SLC4A8: variants seen among roughly 807,000 people sequenced by gnomAD.
SLC4A8 encodes solute carrier family 4 member 8.
SLC4A8 carries 40 observed loss-of-function variants against 125.0 expected under a neutral mutation model. The ratio of observed to expected loss-of-function variants is 0.32; its 90% CI spans 0.25 to 0.42. The LOEUF (loss-of-function observed/expected upper bound fraction) is 0.42. SLC4A8 is among the 10% of genes least tolerant of loss of function. The pLI is 1.00. For synonymous variants in SLC4A8, 456 were observed against 476.0 expected (o/e 0.96, Z 0.55); for missense variants, 863 against 1,355.1 (o/e 0.64, Z 5.70).
chr12:51,426,891 C>G (rs1949001129), intron 1 of SLC4A8, among the ~76,000 whole-genome samples: 3 of 150,440 alleles, frequency 2.0e-5, no homozygotes, highest in South Asian at 4.2e-4. Flanking sequence ...AGAGAGAGGG[C>G]ATGAGAGAGT....
Position 51,442,011 on chromosome 12 carries a change from C to T in SLC4A8, c.130+1222C>T, listed in dbSNP as rs193175572. ...ATGGAAGGCTAACATTTGTTGAATG[C>T]CCCTTGTGTGTTAGGCATTAGATTA... is the stretch of plus-strand genomic sequence containing the variant. On this transcript the variant is annotated intron_variant, in intron 2 of 24. Transcript: ENST00000453097. Among the ~76,000 whole-genome samples the T allele has an allele frequency of 1.1e-4, 17 of 152,248 alleles. No individual in the cohort carries two copies. In the East Asian group the frequency reaches 3.3e-3, roughly 29 times the overall value.
At chr12:51,432,592 G>A (rs1200546765) in intron 1 of SLC4A8, among the ~76,000 whole-genome samples, 4 of 151,852 alleles carry the variant, frequency 2.6e-5, no homozygotes, top group Non-Finnish European at 4.4e-5. Flanking sequence ...GCGTGGTGGT[G>A]CGTGCTTGTA....
chr12:51,450,096 C>A (rs1256357284), intron 2 of SLC4A8, among the ~76,000 whole-genome samples: 2 of 152,000 alleles, frequency 1.3e-5, no homozygotes, highest in Admixed American at 1.3e-4. Flanking sequence ...CTTATTTTCT[C>A]ATGTTCCCCT....
At chr12:51,494,850 T>C (rs907698278) in intron 20 of SLC4A8, 95 bp from the exon 21 acceptor site, 1 of 939,736 alleles carries the variant, frequency 1.1e-6, no homozygotes, top group Admixed American at 2.4e-5. Context: ...TTACCTACCT[T>C]TCAGAGCAGG....
intron 13 of SLC4A8, 51 bp from the exon 14 acceptor site, chr12:51,471,236 C>G: frequency 6.4e-7 from 1 of 1,568,648 alleles, no homozygotes; most frequent in Non-Finnish European, 8.7e-7. Context: ...GACTCCTTGT[C>G]TCTTAATGCC....
intron 16 of SLC4A8, among the ~76,000 whole-genome samples, chr12:51,478,155 G>C (rs1354997328): frequency 6.6e-6 from 1 of 151,826 alleles, no homozygotes; most frequent in Non-Finnish European, 1.5e-5. Context: ...GGCGCCTCTA[G>C]TCCCAGCTAC....
rs754863125 is a variant in SLC4A8 at position 51,474,670 on chromosome 12, A to G, written c.2010+223A>G. On this transcript the variant is annotated intron_variant, in intron 15 of 24. Transcript: ENST00000453097. ...CTTTTCTCCCCCCTACATCCTACCC[A>G]GTGACCCTGCACTAAGGATAGGTGG... The G allele has an allele frequency of 1.3e-3, 970 of 740,024 alleles. 4 individuals carry two copies. Among genetic ancestry groups the G allele is most frequent in the Middle Eastern group, 2.0e-3 (5 of 2,476 alleles). 45.8% of individuals were successfully genotyped at this position (740,024 alleles called of 1,614,324 possible). A position where few individuals can be genotyped will look rare whatever the true frequency, so the allele number is the denominator to read the frequency against.
At chr12:51,483,919 T>A (rs1365769673) in intron 16 of SLC4A8, among the ~76,000 whole-genome samples, 1 of 152,136 alleles carries the variant, frequency 6.6e-6, no homozygotes, top group Non-Finnish European at 1.5e-5. Flanking sequence ...CCCCGGTGTG[T>A]GATGTTCCCC....
rs1318089599 is a variant in SLC4A8 at position 51,496,944 on chromosome 12, A to T, written c.2944-43A>T. 3.1e-6 allele frequency: 5 copies of T among 1,601,396 alleles called. No homozygotes were observed. The Admixed American group carries it at 6.9e-5, about 22-fold the overall frequency. On this transcript the variant is annotated intron_variant, in intron 21 of 24. Coordinates refer to ENST00000453097, the MANE Select transcript of SLC4A8 (RefSeq NM_001039960.3). ...GCTTTGCTTTTAAGTCCAGGAAGGAAATTAGTCCCTTTAATTCACTTTTTT... is the reference window on the plus strand; with the variant it reads ...GCTTTGCTTTTAAGTCCAGGAAGGATATTAGTCCCTTTAATTCACTTTTTT...
intron 1 of SLC4A8, among the ~76,000 whole-genome samples, chr12:51,439,422 G>A (rs1011196709): frequency 3.3e-5 from 5 of 152,098 alleles, no homozygotes; most frequent in African/African-American, 1.2e-4. Flanking sequence ...ACCTAGCTTA[G>A]TTTGGAAGTC....
At position 51,463,480 on chromosome 12, in the gene SLC4A8, C is replaced by T. The variant is rs78349913; in HGVS notation, c.1249-134C>T. 1,793 of 596,866 alleles carry T rather than the reference C, an allele frequency of 3.0e-3. 22 individuals carry two copies. In the African/African-American group the frequency reaches 0.03, roughly 10 times the overall value. 37.0% of individuals were successfully genotyped at this position (596,866 alleles called of 1,614,324 possible). On this transcript the variant is annotated intron_variant, in intron 10 of 24. Coordinates refer to ENST00000453097, the MANE Select transcript of SLC4A8 (RefSeq NM_001039960.3). ...GTAAAGTCAATAAACTGCATCAAGT[C>T]AGTAAGTGTATTTGAAAGCTACAAA... is the stretch of plus-strand genomic sequence containing the variant.
At position 51,510,152 on chromosome 12, in the gene SLC4A8, C is replaced by T. The variant is rs142574611; in HGVS notation, c.*2714C>T. 1,278 of 152,346 alleles carry T rather than the reference C, an allele frequency of 8.4e-3. 13 individuals are homozygous for T. The highest frequency in any genetic ancestry group is 0.017 in the Admixed American group (259 of 15,298). The allele number at this position is 152,346 out of a possible 1,614,324, so 9.4% of individuals were successfully genotyped here. A position where few individuals can be genotyped will look rare whatever the true frequency, so the allele number is the denominator to read the frequency against. On this transcript the variant is annotated 3_prime_UTR_variant, in exon 25 of 25. Coordinates refer to ENST00000453097, the MANE Select transcript of SLC4A8 (RefSeq NM_001039960.3). ...TGCAGGATAAAACTTCCCGGCCGGGCGCAATGGCTCGCGCCTGTAATCCCA... is the reference window on the plus strand; with the variant it reads ...TGCAGGATAAAACTTCCCGGCCGGGTGCAATGGCTCGCGCCTGTAATCCCA...
At chr12:51,463,842 A>T (rs1490067514) in intron 11 of SLC4A8, 128 bp downstream of exon 11, 1 of 621,938 alleles carries the variant, frequency 1.6e-6, no homozygotes, top group African/African-American at 1.8e-5. Flanking sequence ...ATGACTTTTC[A>T]AATGGAACCA....
intron 8 of SLC4A8, among the ~76,000 whole-genome samples, chr12:51,460,385 C>T (rs1309790333): frequency 3.0e-5 from 1 of 33,652 alleles, no homozygotes; most frequent in Non-Finnish European, 7.0e-5. Context: ...CAGAGTGAGA[C>T]CCTGTCTTTT....
At chr12:51,398,460 T>C (rs1311023114) in intron 1 of SLC4A8, among the ~76,000 whole-genome samples, 1 of 152,216 alleles carries the variant, frequency 6.6e-6, no homozygotes, top group Non-Finnish European at 1.5e-5. Flanking sequence ...CCTTTCACAG[T>C]AGAGAAATTT....
In SLC4A8 at chr12:51,513,178, A is replaced by G. The variant is rs1035956013; in HGVS notation, c.*5740A>G. On this transcript the variant is annotated 3_prime_UTR_variant, in exon 25 of 25. Transcript: ENST00000453097. Reference sequence around the variant, plus strand: ...AACTTTTAGGGAAGGGTAGGTCTGGAGAGAAGGTGAAGACCAGCAGAAATA... The same window carrying G: ...AACTTTTAGGGAAGGGTAGGTCTGGGGAGAAGGTGAAGACCAGCAGAAATA... The G allele has an allele frequency of 6.6e-6, 1 of 152,230 alleles. No individual in the cohort carries two copies. The highest frequency in any genetic ancestry group is 2.4e-5 in the African/African-American group (1 of 41,458). The allele number at this position is 152,230 out of a possible 1,614,324, so 9.4% of individuals were successfully genotyped here.
chr12:51,434,055 T>C (rs1370032626), intron 1 of SLC4A8, among the ~76,000 whole-genome samples: 2 of 151,928 alleles, frequency 1.3e-5, no homozygotes, highest in Admixed American at 1.3e-4. Flanking sequence ...TTGAATTTGT[T>C]GTAGGGACGA....
intron 16 of SLC4A8, chr12:51,479,845 A>G: frequency 4.6e-6 from 1 of 217,830 alleles, no homozygotes; most frequent in Non-Finnish European, 9.4e-6. Context: ...TTCATTAAAT[A>G]GAAAAAGAAA....
At chr12:51,445,475 G>A (rs892325417) in intron 2 of SLC4A8, among the ~76,000 whole-genome samples, 1 of 152,146 alleles carries the variant, frequency 6.6e-6, no homozygotes, top group African/African-American at 2.4e-5. Context: ...GCCAGAAGTG[G>A]TTGTTCAGGA....
Sources: gnomAD v4.1 joint callset for allele counts (sites outside exome capture counted in the v4.1 genomes callset) on GRCh38, gnomAD v4.1.1 for gene constraint, MANE v1.5 for transcripts, NCBI Gene and HGNC (gene_info 2026-07-23, HGNC 2026-07-21) for gene names.